Variants in TRPC3 observed in about 807,000 individuals in gnomAD.
The protein encoded by TRPC3 is short transient receptor potential channel 3.
TRPC3 carries 54 observed loss-of-function variants against 90.9 expected under a neutral mutation model. The observed-to-expected ratio is 0.59, with a 90% confidence interval of 0.48 to 0.75. The LOEUF is 0.75. Ranked by LOEUF, TRPC3 falls within the 30% of genes least tolerant of loss-of-function variation. The pLI, the probability that TRPC3 is intolerant of heterozygous loss-of-function variation, is 0.00. For missense variants in TRPC3, 918 were observed against 1,194.5 expected, an observed-to-expected ratio of 0.77 and a Z score of 3.41; for synonymous variants, 424 against 450.9, an observed-to-expected ratio of 0.94 and a Z score of 0.75.
intron 1 of TRPC3, among the ~76,000 whole-genome samples, chr4:121,948,718 T>C (rs1162020096): frequency 6.6e-6 from 1 of 152,216 alleles, no homozygotes; most frequent in Non-Finnish European, 1.5e-5. Context: ...GAATTAAGTA[T>C]TTACCTTGTC....
At position 121,899,690 on chromosome 4, in the gene TRPC3, G is replaced by A. The variant is rs139940353; in HGVS notation, c.2469C>T (p.Asn823=). The A allele has an allele frequency of 1.4e-4, 227 of 1,610,738 alleles. 1 individual carries two copies. In the Middle Eastern group the frequency reaches 4.8e-3, roughly 34 times the overall value. ...MGMGNSKSRL[N]LFTQSNSRVF... ...CTCTTGAGTTAGACTGAGTGAAGAG[G>A]TTTAACTAGGAAAAAATACAATTAA... The change falls in exon 10 of 12, where the codon AAC becomes AAT. Residue 823 remains asparagine, a synonymous_variant. Transcript: ENST00000379645.
intron 11 of TRPC3, among the ~76,000 whole-genome samples, chr4:121,881,431 C>A (rs1727939564): frequency 6.6e-6 from 1 of 152,026 alleles, no homozygotes; most frequent in South Asian, 2.1e-4. Flanking sequence ...ACTCATCAGA[C>A]TTCTGCTTTC....
intron 6 of TRPC3, among the ~76,000 whole-genome samples, chr4:121,909,116 A>G (rs1002618712): frequency 1.3e-5 from 2 of 152,154 alleles, no homozygotes; most frequent in African/African-American, 4.8e-5. Context: ...CAAGATACCT[A>G]AAATACAATC....
At chr4:121,892,341 T>C (rs570272549) in intron 10 of TRPC3, among the ~76,000 whole-genome samples, 8 of 152,346 alleles carry the variant, frequency 5.3e-5, no homozygotes, top group African/African-American at 1.9e-4. Context: ...CCAGGCTCCA[T>C]TGCAGATAGG....
At chr4:121,948,780 TC>T (rs1421770858) in intron 1 of TRPC3, among the ~76,000 whole-genome samples, 2 of 152,022 alleles carry the variant, frequency 1.3e-5, no homozygotes, top group African/African-American at 4.8e-5. Context: ...TTCCTTGATT[TC>T]CCCACAACTT....
intron 3 of TRPC3, among the ~76,000 whole-genome samples, chr4:121,921,521 C>CAA (rs536564094): frequency 0.019 from 1,037 of 54,124 alleles, 22 homozygotes; most frequent in African/African-American, 0.032. Context: ...GACTCCGTCT[C>CAA]AAAAAAAAAA....
At chr4:121,883,490 T>C (rs1284443354) in intron 10 of TRPC3, among the ~76,000 whole-genome samples, 2 of 152,114 alleles carry the variant, frequency 1.3e-5, no homozygotes, top group African/African-American at 4.8e-5. Flanking sequence ...AACAAATGTT[T>C]CACAGAAATG....
chr4:121,882,284 C>A, intron 11 of TRPC3, 70 bp downstream of exon 11: 1 of 1,408,816 alleles, frequency 7.1e-7, no homozygotes, highest in South Asian at 1.3e-5. Flanking sequence ...TAAAATATGC[C>A]TCAACATTAA....
intron 2 of TRPC3, among the ~76,000 whole-genome samples, chr4:121,930,383 G>C (rs1452672228): frequency 6.6e-6 from 1 of 151,970 alleles, no homozygotes; most frequent in African/African-American, 2.4e-5. Context: ...CTCTCTTTTT[G>C]CCTCTTTATT....
In TRPC3 at chr4:121,932,768, C is replaced by G. The variant is rs201636398; in HGVS notation, c.490G>C (p.Glu164Gln). The G allele has an allele frequency of 1.2e-6, 2 of 1,613,282 alleles. No homozygotes were observed. Among genetic ancestry groups the G allele is most frequent in the Non-Finnish European group, 1.7e-6 (2 of 1,179,592 alleles). ...AGGTTCTCCTTCTTGAGCAGCAGCT[C>G]GGTCACCTCCAGGTGCTCGTTGCCC... ...AVGNEHLEVT[E>Q]LLLKKENLAR... The change falls in exon 2 of 12, where the codon GAG becomes CAG. Residue 164 changes from glutamate (E) to glutamine (Q), a missense_variant. Physicochemically the swap from Glu to Gln is conservative, Grantham distance 29. Coordinates refer to ENST00000379645, the MANE Select transcript of TRPC3 (RefSeq NM_001130698.2). This position sits in a 1 kb window ranked among gnomAD's most constrained non-coding sequence, Gnocchi z 7.7.
intron 2 of TRPC3, among the ~76,000 whole-genome samples, chr4:121,928,087 TAA>T (rs1729779087): frequency 6.6e-6 from 1 of 152,144 alleles, no homozygotes; most frequent in Non-Finnish European, 1.5e-5. Context: ...TGATCAGAAA[TAA>T]AAAGAGGCTA....
intron 10 of TRPC3, among the ~76,000 whole-genome samples, chr4:121,896,689 AATT>A (rs1728525976): frequency 7.3e-6 from 1 of 137,332 alleles, no homozygotes; most frequent in Non-Finnish European, 1.7e-5. Context: ...GGATCAGAAG[AATT>A]ACTACTGTTA....
At chr4:121,925,250 T>G in intron 2 of TRPC3, 44 bp from the exon 3 acceptor site, 1 of 1,562,926 alleles carries the variant, frequency 6.4e-7, no homozygotes, top group Non-Finnish European at 8.7e-7. Context: ...TAATTTGCTT[T>G]TATTCAGTGG....
At position 121,907,562 on chromosome 4, in the gene TRPC3, C is replaced by T. The variant is rs1728930237; in HGVS notation, c.1798G>A (p.Asp600Asn). The change falls in exon 7 of 12, where the codon GAT (aspartate) becomes AAT (asparagine). Residue 600 changes from aspartate (D) to asparagine (N), a missense_variant. Transcript: ENST00000379645. ...PEIQYFTYAR[D>N]KWLPSDPQII... ...TGAGGGTCAGAAGGGAGCCATTTAT[C>T]TCTAGCTAGAAAAAAGAGAGAAAGA... 3 of 1,594,324 alleles carry T rather than the reference C, an allele frequency of 1.9e-6. No homozygotes were observed. The South Asian group carries it at 3.4e-5, about 18-fold the overall frequency.
intron 1 of TRPC3, among the ~76,000 whole-genome samples, chr4:121,940,025 T>C (rs1011145422): frequency 3.3e-5 from 5 of 152,156 alleles, no homozygotes; most frequent in Non-Finnish European, 5.9e-5. Flanking sequence ...CGAACTAAGA[T>C]AAAAGAGGTC....
At chr4:121,899,058 A>T (rs973704093) in intron 10 of TRPC3, among the ~76,000 whole-genome samples, 1 of 152,216 alleles carries the variant, frequency 6.6e-6, no homozygotes, top group African/African-American at 2.4e-5. Context: ...CGAAATGATC[A>T]ACGAGATGAA....
chr4:121,930,830 T>TAA (rs71599162), intron 2 of TRPC3: 7,446 of 202,664 alleles, frequency 0.037, 66 homozygotes, highest in African/African-American at 0.054. Flanking sequence ...CTCTGAGATC[T>TAA]AAAAAAAAAA....
chr4:121,939,055 T>A (rs1308975291), intron 1 of TRPC3, among the ~76,000 whole-genome samples: 1 of 152,176 alleles, frequency 6.6e-6, no homozygotes, highest in South Asian at 2.1e-4. Context: ...GGTACTCCCG[T>A]ACTATTAAGG....
At position 121,932,580 on chromosome 4, in the gene TRPC3, G is replaced by A. The variant is rs1399391147; in HGVS notation, c.678C>T (p.Asp226=). 3.7e-6 allele frequency: 6 copies of A among 1,614,116 alleles called. No homozygotes were observed. The highest frequency in any genetic ancestry group is 2.2e-5 in the East Asian group (1 of 44,892). The part of the protein sequence containing the change: ...QDDDFYAYDE[D]GTRFSPDITP... Reference sequence around the variant, plus strand: ...TGATGTCCGGCGAGAAGCGCGTGCCGTCCTCGTCGTAAGCGTAGAAGTCGT... The same window carrying A: ...TGATGTCCGGCGAGAAGCGCGTGCCATCCTCGTCGTAAGCGTAGAAGTCGT... The change falls in exon 2 of 12, where the codon GAC becomes GAT. Residue 226 remains aspartate, a synonymous_variant. Coordinates refer to ENST00000379645, the MANE Select transcript of TRPC3 (RefSeq NM_001130698.2). This position sits in a 1 kb window ranked among gnomAD's most constrained non-coding sequence, Gnocchi z 7.7.
Sources: gnomAD v4.1 joint callset for allele counts (sites outside exome capture counted in the v4.1 genomes callset) on GRCh38, gnomAD v4.1.1 for gene constraint, Gnocchi (gnomAD v3.1) non-coding constraint, MANE v1.5 for transcripts, NCBI Gene and HGNC (gene_info 2026-07-23, HGNC 2026-07-21) for gene names.